CIT: variants seen among roughly 807,000 people sequenced by gnomAD.
The protein encoded by CIT is citron Rho-interacting kinase.
Under a neutral mutation model 272.7 loss-of-function variants are expected in CIT, and 79 were observed. The observed-to-expected ratio is 0.29, with a 90% CI of 0.24 to 0.35. The LOEUF (loss-of-function observed/expected upper bound fraction) is 0.35, where lower values mean the gene tolerates loss of function less well. Among genes scored for constraint, CIT ranks in the 10% least tolerant of loss-of-function variants. The pLI, the probability that CIT is intolerant of heterozygous loss-of-function variation, is 1.00. For synonymous variants in CIT, 948 were observed against 995.6 expected (o/e 0.95, Z 0.90); for missense variants, 1,909 against 2,618.3 (o/e 0.73, Z 5.91).
chr12:119,827,493 A>G (rs991161779), intron 7 of CIT, among the ~76,000 whole-genome samples: 3 of 151,492 alleles, frequency 2.0e-5, no homozygotes, highest in African/African-American at 7.3e-5. Flanking sequence ...GCTGGAGTGC[A>G]GTGCTGCGAT....
chr12:119,856,099 A>C (rs993167658), intron 4 of CIT, among the ~76,000 whole-genome samples: 1 of 152,180 alleles, frequency 6.6e-6, no homozygotes, highest in Admixed American at 6.6e-5. Context: ...CATCACTCTC[A>C]GATTCTGACA....
chr12:119,869,408 T>C (rs912241246), intron 2 of CIT, among the ~76,000 whole-genome samples: 1 of 152,210 alleles, frequency 6.6e-6, no homozygotes, highest in Non-Finnish European at 1.5e-5. Flanking sequence ...TGTGGGTTTC[T>C]TTCACCAGCA....
rs768496859 is a variant in CIT, at chr12:119,713,432, G to A, written c.4487+36C>T. ...ATCAGGGACAGAGTGGCTTGTGCCAGCACCTGCTCCAGCCCAAGCCACCCT... is the reference window on the plus strand; with the variant it reads ...ATCAGGGACAGAGTGGCTTGTGCCAACACCTGCTCCAGCCCAAGCCACCCT... On this transcript the variant is annotated intron_variant, in intron 34 of 47. Transcript: ENST00000392521. The surrounding 1 kb of genome is among the most constrained non-coding windows in gnomAD (Gnocchi z 5.2). 6.2e-7 allele frequency: 1 copy of A among 1,603,640 alleles called. No individual in the cohort carries two copies. The highest frequency in any genetic ancestry group is 8.5e-7 in the Non-Finnish European group (1 of 1,174,174).
chr12:119,758,568 G>T (rs149926447), intron 21 of CIT, 23 bp downstream of exon 21: 111 of 1,418,706 alleles, frequency 7.8e-5, no homozygotes, highest in Non-Finnish European at 1.1e-4. Flanking sequence ...ATAATGTAGG[G>T]CAGTTAGAAT....
chr12:119,835,954 T>G (rs534514852), intron 5 of CIT, among the ~76,000 whole-genome samples: 108 of 152,190 alleles, frequency 7.1e-4, no homozygotes, highest in African/African-American at 2.5e-3. Flanking sequence ...CAATTGCATT[T>G]GAAGAGTAAG....
intron 26 of CIT, among the ~76,000 whole-genome samples, chr12:119,733,529 C>CAAAAAAAAAAA (rs113216303): frequency 9.6e-6 from 1 of 103,876 alleles, no homozygotes. Flanking sequence ...GACTCTGTCA[C>CAAAAAAAAAAA]AAAAAAAAAA....
At chr12:119,818,120 C>T (rs1157894533) in intron 9 of CIT, among the ~76,000 whole-genome samples, 1 of 152,124 alleles carries the variant, frequency 6.6e-6, no homozygotes, top group African/African-American at 2.4e-5. Context: ...ATCCAGAATC[C>T]CTTATTCACT....
Position 119,712,459 on chromosome 12 carries a change from C to A in CIT, c.4685-112G>T, listed in dbSNP as rs948778040. On this transcript the variant is annotated intron_variant, in intron 36 of 47. Transcript: ENST00000392521. This position sits in a 1 kb window ranked among gnomAD's most constrained non-coding sequence, Gnocchi z 5.2. ...ACCAAACCACGCAAATCCCAGTTAC[C>A]GCCAAGGCGGGGAGCGGAGGAAGAT... 7.1e-7 allele frequency: 1 copy of A among 1,418,174 alleles called. No individual in the cohort carries two copies. The highest frequency in any genetic ancestry group is 1.9e-5 in the Admixed American group (1 of 51,702). 87.8% of individuals were successfully genotyped at this position (1,418,174 alleles called of 1,614,324 possible). A position where few individuals can be genotyped will look rare whatever the true frequency, so the allele number is the denominator to read the frequency against.
At chr12:119,740,891 G>A (rs1244054143) in intron 24 of CIT, among the ~76,000 whole-genome samples, 1 of 152,106 alleles carries the variant, frequency 6.6e-6, no homozygotes, top group Non-Finnish European at 1.5e-5. Flanking sequence ...GGCCCATCCC[G>A]ATCCACCACC....
At chr12:119,844,494 A>C (rs1014215598) in intron 5 of CIT, among the ~76,000 whole-genome samples, 3 of 152,154 alleles carry the variant, frequency 2.0e-5, no homozygotes, top group African/African-American at 7.2e-5. Context: ...ACTGAGTTCA[A>C]ATCAGGTTTT....
At chr12:119,826,634 CAG>C (rs1216571414) in intron 7 of CIT, among the ~76,000 whole-genome samples, 3 of 152,176 alleles carry the variant, frequency 2.0e-5, no homozygotes, top group Admixed American at 2.0e-4. Context: ...CCCATCAAAA[CAG>C]AGAGGCCCTG....
intron 5 of CIT, among the ~76,000 whole-genome samples, chr12:119,836,314 A>AAAAAG (rs1969012467): frequency 1.4e-5 from 2 of 147,592 alleles, no homozygotes; most frequent in African/African-American, 5.0e-5. Context: ...AAAAAAAAAA[A>AAAAAG]TTATGAACAA....
At chr12:119,860,208 G>A (rs1332404193) in intron 3 of CIT, among the ~76,000 whole-genome samples, 1 of 152,000 alleles carries the variant, frequency 6.6e-6, no homozygotes, top group African/African-American at 2.4e-5. Context: ...TGAGTGCCGC[G>A]GTATTGAGAG....
chr12:119,811,438 G>A (rs1217310024), intron 9 of CIT, among the ~76,000 whole-genome samples: 2 of 152,158 alleles, frequency 1.3e-5, no homozygotes, highest in South Asian at 2.1e-4. Context: ...ACATTGATTT[G>A]GGCTGGTGAT....
chr12:119,811,317 A>T (rs1291018099), intron 9 of CIT, among the ~76,000 whole-genome samples: 1 of 152,216 alleles, frequency 6.6e-6, no homozygotes, highest in African/African-American at 2.4e-5. Context: ...AAAACAAAAA[A>T]GGTAGTTCAA....
intron 6 of CIT, among the ~76,000 whole-genome samples, chr12:119,833,678 A>G (rs1968801503): frequency 6.6e-6 from 1 of 152,012 alleles, no homozygotes; most frequent in East Asian, 1.9e-4. Flanking sequence ...AAAAAAAAAA[A>G]AAAAAAAAAT....
At chr12:119,790,979 A>G (rs1192759625) in intron 10 of CIT, among the ~76,000 whole-genome samples, 2 of 152,180 alleles carry the variant, frequency 1.3e-5, no homozygotes, top group African/African-American at 2.4e-5. Flanking sequence ...GCACGTGTTT[A>G]GTGCTTCATG....
intron 2 of CIT, among the ~76,000 whole-genome samples, 177 bp from the exon 3 acceptor site, chr12:119,869,378 C>T (rs1429581857): frequency 1.3e-5 from 2 of 152,220 alleles, no homozygotes; most frequent in African/African-American, 4.8e-5. Context: ...ATTATGGTAT[C>T]ACTTCCATGA....
chr12:119,861,803 G>T (rs1383475326), intron 3 of CIT, among the ~76,000 whole-genome samples: 1 of 152,144 alleles, frequency 6.6e-6, no homozygotes, highest in Non-Finnish European at 1.5e-5. Flanking sequence ...AGATGTGAAT[G>T]ATGAAAACTG....
Sources: allele counts gnomAD v4.1 joint callset (sites outside exome capture counted in the v4.1 genomes callset), GRCh38; gene constraint gnomAD v4.1.1; non-coding constraint Gnocchi (gnomAD v3.1); transcripts MANE v1.5; gene names NCBI Gene and HGNC (gene_info 2026-07-23, HGNC 2026-07-21).